Variants in PPP2R2B observed in about 807,000 individuals in gnomAD.
The protein encoded by PPP2R2B is serine/threonine-protein phosphatase 2A 55 kDa regulatory subunit B beta isoform.
A neutral mutation model predicts 46.0 loss-of-function variants in PPP2R2B; 5 were observed. That is an observed-to-expected ratio of 0.11 (90% confidence interval 0.06 to 0.23). PPP2R2B has a LOEUF of 0.23. Ranked by LOEUF, PPP2R2B falls within the 10% of genes least tolerant of loss-of-function variation. The pLI is 1.00. For synonymous variants in PPP2R2B, 215 were observed against 206.7 expected, an observed-to-expected ratio of 1.04 and a Z score of -0.34; for missense variants, 367 against 575.0, an observed-to-expected ratio of 0.64 and a Z score of 3.70.
At position 147,024,153 on chromosome 5, in the gene PPP2R2B, CTCTATCTATCTA is replaced by C. The variant is rs57080635; in HGVS notation, c.79+31500_79+31511del. ...GCCAATTCTCATAATAAATCCCCTC[CTCTATCTATCTA>C]TCTATCTATCTATCTATCTATCTAT... On this transcript the variant is annotated intron_variant, in intron 1 of 8. Transcript: ENST00000336640. 5.9e-4 allele frequency among the ~76,000 whole-genome samples: 86 copies of C among 145,642 alleles called. 1 individual carries two copies. Among genetic ancestry groups the C allele is most frequent in the Admixed American group, 1.5e-3 (22 of 14,422 alleles).
chr5:146,931,874 G>A (rs1271726694), intron 1 of PPP2R2B, among the ~76,000 whole-genome samples: 1 of 152,104 alleles, frequency 6.6e-6, no homozygotes, highest in African/African-American at 2.4e-5. Flanking sequence ...TAATGTAGAA[G>A]ACTAATTTAA....
chr5:147,037,401 G>GGTGT lies in PPP2R2B; in HGVS notation c.79+18260_79+18263dup, dbSNP rs147534232. The stretch of plus-strand genomic sequence containing the variant: ...CTTGAATCTCTGAGACAGACAAAGG[G>GGTGT]GTGTGTGTGTGTGTGTATGTACATA... On this transcript the variant is annotated intron_variant, in intron 1 of 8. Coordinates refer to the PPP2R2B transcript ENST00000336640. Among the ~76,000 whole-genome samples, 42 of 150,242 alleles carry GGTGT rather than the reference G, an allele frequency of 2.8e-4. 1 individual carries two copies. In the Middle Eastern group the frequency reaches 0.014, roughly 50 times the overall value.
At chr5:147,042,229 C>G (rs879697373) in intron 1 of PPP2R2B, among the ~76,000 whole-genome samples, 2 of 152,038 alleles carry the variant, frequency 1.3e-5, no homozygotes, top group Non-Finnish European at 2.9e-5. Flanking sequence ...TAGACCCCCC[C>G]CTCCCCTTTC....
intron 2 of PPP2R2B, among the ~76,000 whole-genome samples, chr5:146,834,963 T>C (rs1466616103): frequency 1.2e-4 from 19 of 152,202 alleles, no homozygotes; most frequent in Admixed American, 1.2e-3. Context: ...TTTCATTCTT[T>C]TTTTATGGCT....
intron 1 of PPP2R2B, among the ~76,000 whole-genome samples, chr5:146,892,376 A>G (rs1157509514): frequency 6.6e-6 from 1 of 152,164 alleles, no homozygotes; most frequent in African/African-American, 2.4e-5. Flanking sequence ...GAGCTTTACA[A>G]TTTCCTGTAA....
intron 2 of PPP2R2B, among the ~76,000 whole-genome samples, chr5:146,709,878 A>T (rs1174265352): frequency 6.6e-6 from 1 of 152,194 alleles, no homozygotes; most frequent in Non-Finnish European, 1.5e-5. Flanking sequence ...ATCTAAATTC[A>T]TGCTACTATA....
intron 2 of PPP2R2B, among the ~76,000 whole-genome samples, chr5:146,820,459 C>T (rs1005669837): frequency 6.6e-6 from 1 of 152,054 alleles, no homozygotes; most frequent in Non-Finnish European, 1.5e-5. Flanking sequence ...TGAGAATTGG[C>T]CAATAGTTTC....
intron 2 of PPP2R2B, among the ~76,000 whole-genome samples, chr5:146,760,498 A>G (rs1377876559): frequency 6.6e-6 from 1 of 152,204 alleles, no homozygotes; most frequent in Non-Finnish European, 1.5e-5. Flanking sequence ...TGGAAAAGAC[A>G]GGCAAGATAC....
rs199563242 is a variant in PPP2R2B, at chr5:146,643,207, G to A, written c.626-4792C>T. On this transcript the variant is annotated intron_variant, in intron 6 of 9. Transcript: ENST00000394411. Reference sequence around the variant, plus strand: ...ACGAGAGAGAGAGAGAGAGAGAGAGGGAGACAGACAAGGGCCCATTCACTC... The same window carrying A: ...ACGAGAGAGAGAGAGAGAGAGAGAGAGAGACAGACAAGGGCCCATTCACTC... Among the ~76,000 whole-genome samples, 4 of 146,962 alleles carry A rather than the reference G, an allele frequency of 2.7e-5. No homozygotes were observed. In the East Asian group the frequency reaches 7.9e-4, roughly 29 times the overall value.
Position 146,707,405 on chromosome 5 carries a change from G to C in PPP2R2B, c.71-6263C>G, listed in dbSNP as rs149725682. ...AGGTTAAGGGGGTTCAGCAGGCTCT[G>C]GTTGACTGGGACGGCAGTGATGCCT... On this transcript the variant is annotated intron_variant, in intron 2 of 9. Coordinates refer to ENST00000394411, the MANE Select transcript of PPP2R2B (RefSeq NM_181675.4). The C allele has an allele frequency of 6.4e-6, 5 of 780,596 alleles. No individual in the cohort carries two copies. The African/African-American group carries it at 6.7e-5, about 11-fold the overall frequency. 48.4% of individuals were successfully genotyped at this position (780,596 alleles called of 1,614,324 possible).
chr5:146,963,485 C>T (rs1483026505), intron 1 of PPP2R2B, among the ~76,000 whole-genome samples: 1 of 152,200 alleles, frequency 6.6e-6, no homozygotes, highest in Non-Finnish European at 1.5e-5. Flanking sequence ...TCCACTCACA[C>T]TTGGAATTTC....
At chr5:146,954,397 A>T (rs1231650018) in intron 1 of PPP2R2B, among the ~76,000 whole-genome samples, 1 of 152,156 alleles carries the variant, frequency 6.6e-6, no homozygotes, top group Non-Finnish European at 1.5e-5. Flanking sequence ...CTCCAATCTC[A>T]TCCAGGTCAG....
intron 5 of PPP2R2B, among the ~76,000 whole-genome samples, chr5:146,654,423 A>G (rs991361306): frequency 2.0e-5 from 3 of 152,232 alleles, no homozygotes; most frequent in African/African-American, 7.2e-5. Context: ...CATGTTTGCA[A>G]GTCAAAAATT....
upstream of PPP2R2B, among the ~76,000 whole-genome samples, chr5:147,059,393 C>T (rs1050985428): frequency 1.3e-5 from 2 of 152,130 alleles, no homozygotes; most frequent in Non-Finnish European, 2.9e-5. Flanking sequence ...GAAGAGTTAG[C>T]AGTCATTAAC....
chr5:147,062,304 A>G (rs6580449), intron 2 of PPP2R2B, among the ~76,000 whole-genome samples: 6,013 of 152,084 alleles, frequency 0.04, 181 homozygotes, highest in African/African-American at 0.081. Context: ...GCCTAATATT[A>G]CTCTTCTCAG....
At chr5:146,604,569 T>C (rs1354077996) in intron 7 of PPP2R2B, among the ~76,000 whole-genome samples, 1 of 152,202 alleles carries the variant, frequency 6.6e-6, no homozygotes, top group African/African-American at 2.4e-5. Context: ...ACTGGGGGTA[T>C]GTCAGGTTCA....
At chr5:146,704,077 T>A (rs1022837776) in intron 2 of PPP2R2B, among the ~76,000 whole-genome samples, 3 of 152,250 alleles carry the variant, frequency 2.0e-5, no homozygotes, top group Non-Finnish European at 4.4e-5. Context: ...TCCTGACTCA[T>A]TTATCATTGC....
At chr5:147,036,051 G>T (rs886917444) in intron 1 of PPP2R2B, among the ~76,000 whole-genome samples, 2 of 152,064 alleles carry the variant, frequency 1.3e-5, no homozygotes, top group South Asian at 2.1e-4. Context: ...GGATGTGCAG[G>T]TTTGTTACAT....
intron 6 of PPP2R2B, among the ~76,000 whole-genome samples, chr5:146,647,651 A>T (rs1194066724): frequency 6.6e-6 from 1 of 152,184 alleles, no homozygotes; most frequent in South Asian, 2.1e-4. Context: ...TCCCCAAGGC[A>T]TCTGTCTCCC....
Sources: gnomAD v4.1 joint callset for allele counts (sites outside exome capture counted in the v4.1 genomes callset) on GRCh38, gnomAD v4.1.1 for gene constraint, MANE v1.5 for transcripts, NCBI Gene and HGNC (gene_info 2026-07-23, HGNC 2026-07-21) for gene names.